The following RALGPS2 variants were observed in gnomAD, a reference collection of about 807,000 sequenced individuals.
RALGPS2 encodes the protein Ral GEF with PH domain and SH3 binding motif 2.
A neutral mutation model predicts 86.8 loss-of-function variants in RALGPS2; 43 were observed. The ratio of observed to expected loss-of-function variants is 0.50; its 90% CI spans 0.39 to 0.64. The LOEUF (loss-of-function observed/expected upper bound fraction) is 0.64, where lower values mean the gene tolerates loss of function less well. RALGPS2 is among the 30% of genes least tolerant of loss of function. The pLI, the probability that RALGPS2 is intolerant of heterozygous loss-of-function variation, is 0.00. For synonymous variants in RALGPS2, 243 were observed against 231.3 expected, an observed-to-expected ratio of 1.05 and a Z score of -0.46; for missense variants, 536 against 694.6, an observed-to-expected ratio of 0.77 and a Z score of 2.57.
rs371911246 is a variant in RALGPS2 at position 178,885,092 on chromosome 1, G to A, written c.921G>A (p.Ala307=). The A allele has an allele frequency of 9.4e-6, 15 of 1,593,660 alleles. No individual in the cohort carries two copies. The highest frequency in any genetic ancestry group is 4.6e-5 in the South Asian group (4 of 86,494). The change falls in exon 12 of 20, where the codon GCG becomes GCA. Residue 307 remains alanine (A), a synonymous_variant. Transcript: ENST00000367635. ...REDLVGPEVG[A]SPQSGRKSVA... ...AACCCTTAGGTCCTGAAGTAGGAGCGTCTCCACAGAGTGGACGAAAAAGTG... is the reference window on the plus strand; with the variant it reads ...AACCCTTAGGTCCTGAAGTAGGAGCATCTCCACAGAGTGGACGAAAAAGTG...
chr1:178,759,790 C>T (rs536250624), intron 1 of RALGPS2, among the ~76,000 whole-genome samples: 1 of 151,852 alleles, frequency 6.6e-6, no homozygotes, highest in Non-Finnish European at 1.5e-5. Flanking sequence ...TCATTGTAGA[C>T]ATCTTTTACT....
intron 13 of RALGPS2, 41 bp downstream of exon 13, chr1:178,886,161 A>C (rs1269228500): frequency 1.9e-6 from 3 of 1,579,334 alleles, no homozygotes; most frequent in Non-Finnish European, 2.6e-6. Flanking sequence ...TTTAACTTTA[A>C]ATAAAAATGT....
rs530683909 is a variant in RALGPS2, at chr1:178,878,805, G to A, written c.746-97G>A. The A allele has an allele frequency of 2.8e-3, 4,154 of 1,505,362 alleles. 8 individuals carry two copies. The highest frequency in any genetic ancestry group is 3.4e-3 in the Non-Finnish European group (3,883 of 1,126,520). 93.3% of individuals were successfully genotyped at this position (1,505,362 alleles called of 1,614,324 possible). A position where few individuals can be genotyped will look rare whatever the true frequency, so the allele number is the denominator to read the frequency against. ...GAGTTAATTTAAATTTTGCTGCCAT[G>A]TGGCCTTAATTTACCTTTAAGTTAT... On this transcript the variant is annotated intron_variant, in intron 9 of 19. Coordinates refer to ENST00000367635, the MANE Select transcript of RALGPS2 (RefSeq NM_152663.5).
At chr1:178,837,289 A>C (rs1323743930) in intron 8 of RALGPS2, among the ~76,000 whole-genome samples, 1 of 152,212 alleles carries the variant, frequency 6.6e-6, no homozygotes. Context: ...ATTAAGTGAG[A>C]AAAATCTACA....
chr1:178,752,823 A>G (rs1015715831), intron 1 of RALGPS2, among the ~76,000 whole-genome samples: 1 of 152,166 alleles, frequency 6.6e-6, no homozygotes, highest in African/African-American at 2.4e-5. Context: ...GTTGTAGGGG[A>G]AGTCATTGCT....
chr1:178,890,960 C>A (rs956393624), intron 14 of RALGPS2, among the ~76,000 whole-genome samples: 1 of 151,936 alleles, frequency 6.6e-6, no homozygotes, highest in Non-Finnish European at 1.5e-5. Flanking sequence ...CTAGAAAGAA[C>A]GTAAAACCAT....
At chr1:178,849,137 A>G (rs914850593) in intron 8 of RALGPS2, among the ~76,000 whole-genome samples, 2 of 152,196 alleles carry the variant, frequency 1.3e-5, no homozygotes, top group Non-Finnish European at 2.9e-5. Context: ...TATTCTTATT[A>G]TACCCCATTT....
chr1:178,803,021 T>G (rs1483244300), intron 4 of RALGPS2, among the ~76,000 whole-genome samples: 1 of 152,146 alleles, frequency 6.6e-6, no homozygotes, highest in African/African-American at 2.4e-5. Flanking sequence ...ACCCATGTTG[T>G]TCAAGGGTCA....
chr1:178,779,333 G>C (rs1460145569), intron 2 of RALGPS2, among the ~76,000 whole-genome samples: 1 of 151,942 alleles, frequency 6.6e-6, no homozygotes, highest in Non-Finnish European at 1.5e-5. Context: ...AATAACTTTA[G>C]CATCTGGCTT....
chr1:178,741,028 A>G (rs1375530458), intron 1 of RALGPS2, among the ~76,000 whole-genome samples: 1 of 148,590 alleles, frequency 6.7e-6, no homozygotes, highest in Non-Finnish European at 1.5e-5. Flanking sequence ...ATAGTATCAT[A>G]TATGTAATGA....
At chr1:178,838,977 A>G (rs181990178) in intron 8 of RALGPS2, among the ~76,000 whole-genome samples, 163 of 152,342 alleles carry the variant, frequency 1.1e-3, no homozygotes, top group African/African-American at 3.6e-3. Context: ...AAGTAAAAAG[A>G]AACGAACAAA....
intron 4 of RALGPS2, among the ~76,000 whole-genome samples, chr1:178,795,278 A>G (rs1654136756): frequency 6.6e-6 from 1 of 152,198 alleles, no homozygotes; most frequent in Admixed American, 6.5e-5. Context: ...AACAGATATT[A>G]AATTCAAAAA....
chr1:178,886,062 C>T lies in RALGPS2; in HGVS notation c.1134C>T (p.Pro378=). 6.2e-7 allele frequency: 1 copy of T among 1,613,564 alleles called. No individual in the cohort carries two copies. The highest frequency in any genetic ancestry group is 8.5e-7 in the Non-Finnish European group (1 of 1,179,832). Residue 378 remains proline, a synonymous_variant, in exon 13 of 20, where the codon CCC becomes CCT. Transcript: ENST00000367635. ...RHLLDDSVME[P]HAPSRGQAES... ...TGTTAGATGATAGCGTCATGGAGCC[C>T]CATGCGCCATCTCGAGGCCAAGCTG...
At chr1:178,891,132 T>A (rs1202392994) in intron 14 of RALGPS2, among the ~76,000 whole-genome samples, 1 of 152,096 alleles carries the variant, frequency 6.6e-6, no homozygotes, top group East Asian at 1.9e-4. Context: ...TATTTAATGA[T>A]GTTACCTTCA....
intron 19 of RALGPS2, 49 bp from the exon 20 acceptor site, chr1:178,916,281 C>G: frequency 6.8e-7 from 1 of 1,468,186 alleles, no homozygotes; most frequent in Non-Finnish European, 9.5e-7. Flanking sequence ...AGAAATACTC[C>G]TTTGAAAAAC....
chr1:178,788,518 T>C (rs1001324631), intron 4 of RALGPS2, among the ~76,000 whole-genome samples: 1 of 152,160 alleles, frequency 6.6e-6, no homozygotes, highest in African/African-American at 2.4e-5. Flanking sequence ...ACTGAGAAGA[T>C]GACATCTGCA....
chr1:178,896,851 C>A (rs572861179), intron 16 of RALGPS2, among the ~76,000 whole-genome samples: 2 of 149,242 alleles, frequency 1.3e-5, no homozygotes, highest in Non-Finnish European at 3.0e-5. Flanking sequence ...TTTCTTAATC[C>A]AGTCTATCAT....
At chr1:178,838,352 C>T (rs540507814) in intron 8 of RALGPS2, among the ~76,000 whole-genome samples, 1 of 152,340 alleles carries the variant, frequency 6.6e-6, no homozygotes, top group African/African-American at 2.4e-5. Context: ...CAGGCAGCAA[C>T]ATTTGCTGTT....
intron 19 of RALGPS2, among the ~76,000 whole-genome samples, chr1:178,910,316 G>A (rs1660572701): frequency 6.6e-6 from 1 of 152,184 alleles, no homozygotes; most frequent in Non-Finnish European, 1.5e-5. Flanking sequence ...GGAGTGGTTA[G>A]AGTGGGCATC....
Sources: allele counts gnomAD v4.1 joint callset (sites outside exome capture counted in the v4.1 genomes callset), GRCh38; gene constraint gnomAD v4.1.1; transcripts MANE v1.5; gene names NCBI Gene and HGNC (gene_info 2026-07-23, HGNC 2026-07-21).